KIF1B: variants seen among roughly 807,000 people sequenced by gnomAD.
The protein encoded by KIF1B is kinesin family member 1B, also known as kinesin-like protein KIF1B.
A neutral mutation model predicts 241.9 loss-of-function variants in KIF1B; 76 were observed. That is an observed-to-expected ratio of 0.31 (90% CI 0.26 to 0.38). The LOEUF (loss-of-function observed/expected upper bound fraction) is 0.38, where lower values mean the gene tolerates loss of function less well. KIF1B is among the 10% of genes least tolerant of loss of function. The probability of loss-of-function intolerance (pLI) is 1.00; values close to 1 mark genes in which losing one functional copy is unlikely to be tolerated. For synonymous variants in KIF1B, 750 were observed against 796.7 expected (o/e 0.94, Z 0.99); for missense variants, 1,622 against 2,271.4 (o/e 0.71, Z 5.81).
chr1:10,326,608 C>T lies in KIF1B; in HGVS notation c.2924+249C>T, dbSNP rs1651733239. 6.6e-6 allele frequency among the ~76,000 whole-genome samples: 1 copy of T among 152,174 alleles called. No individual in the cohort carries two copies. Among genetic ancestry groups the T allele is most frequent in the South Asian group, 2.1e-4 (1 of 4,828 alleles). ...ATATATGAAGACTGCATGGAAGACA[C>T]CTTGTCTTAAATTGCCCAGTAATTT... On this transcript the variant is annotated intron_variant, in intron 27 of 48. Transcript: ENST00000676179. This position sits in a 1 kb window ranked among gnomAD's most constrained non-coding sequence, Gnocchi z 5.2.
chr1:10,317,866 AT>A (rs1651366976), intron 22 of KIF1B, among the ~76,000 whole-genome samples: 1 of 150,950 alleles, frequency 6.6e-6, no homozygotes, highest in African/African-American at 2.5e-5. Flanking sequence ...TTGATATTGT[AT>A]TACCATGTAA....
chr1:10,274,387 T>G (rs1316255582), intron 10 of KIF1B, among the ~76,000 whole-genome samples: 2 of 152,228 alleles, frequency 1.3e-5, no homozygotes, highest in African/African-American at 4.8e-5. Context: ...TTGGTGCTTT[T>G]TGCTTTGTCC....
At chr1:10,297,794 C>CA (rs1650343806) in intron 22 of KIF1B, among the ~76,000 whole-genome samples, 1 of 151,960 alleles carries the variant, frequency 6.6e-6, no homozygotes, top group Non-Finnish European at 1.5e-5. Flanking sequence ...TCTGAATTCT[C>CA]AATCAGGTTC....
chr1:10,297,261 TCTGCTAA>T lies in KIF1B; in HGVS notation c.2115+16_2115+22del. On this transcript the variant is annotated intron_variant, in intron 22 of 48. Coordinates refer to ENST00000676179, the MANE Select transcript of KIF1B (RefSeq NM_001365951.3). ...AGCAGAGACTGGTAGGAGTCCTGAA[TCTGCTAA>T]ACTGTTGGGAAAAGGGCAGCTTGTT... is the stretch of plus-strand genomic sequence containing the variant. 1 of 1,609,210 alleles carries T rather than the reference TCTGCTAA, an allele frequency of 6.2e-7. No homozygotes were observed. The highest frequency in any genetic ancestry group is 8.5e-7 in the Non-Finnish European group (1 of 1,176,752).
intron 22 of KIF1B, among the ~76,000 whole-genome samples, chr1:10,300,828 A>G (rs1650505443): frequency 1.3e-5 from 2 of 152,240 alleles, no homozygotes; most frequent in South Asian, 4.1e-4. Context: ...ACTAAAAATG[A>G]AAAGAAAAAT....
At chr1:10,259,473 C>T (rs1647990097) in intron 4 of KIF1B, among the ~76,000 whole-genome samples, 1 of 149,624 alleles carries the variant, frequency 6.7e-6, no homozygotes, top group Non-Finnish European at 1.5e-5. Flanking sequence ...TGCCACCACA[C>T]CTAGCTCATT....
intron 28 of KIF1B, among the ~76,000 whole-genome samples, chr1:10,335,165 C>T (rs538281074): frequency 4.8e-4 from 73 of 152,248 alleles, no homozygotes; most frequent in African/African-American, 1.7e-3. Context: ...TAGTCTCGAT[C>T]GAACTCCTGA....
intron 27 of KIF1B, among the ~76,000 whole-genome samples, chr1:10,328,174 G>A (rs915257650): frequency 1.3e-5 from 2 of 152,098 alleles, no homozygotes; most frequent in Non-Finnish European, 2.9e-5. Context: ...TGGGGACAGA[G>A]CAAGACCCCA....
intron 44 of KIF1B, among the ~76,000 whole-genome samples, chr1:10,369,868 G>T (rs1638679302): frequency 1.3e-5 from 2 of 151,834 alleles, no homozygotes; most frequent in Non-Finnish European, 2.9e-5. Flanking sequence ...GGAGGTGGAG[G>T]TTGCAGTGAG....
At chr1:10,233,368 C>G (rs181894826) in intron 2 of KIF1B, among the ~76,000 whole-genome samples, 2 of 152,178 alleles carry the variant, frequency 1.3e-5, no homozygotes, top group African/African-American at 4.8e-5. Context: ...GTAATCCCAG[C>G]ACTTTGGGAG....
rs939612541 is a variant in KIF1B, at chr1:10,264,993, A to G, written c.430-2387A>G. 2.0e-5 allele frequency among the ~76,000 whole-genome samples: 3 copies of G among 151,184 alleles called. No homozygotes were observed. In the East Asian group the frequency reaches 5.8e-4, roughly 29 times the overall value. ...CTTTTTCTTCTTTTTTTTTAAGACA[A>G]GGTCTTGCTCTGTTACCCAGACTGG... On this transcript the variant is annotated intron_variant, in intron 5 of 48. Coordinates refer to ENST00000676179, the MANE Select transcript of KIF1B (RefSeq NM_001365951.3).
At chr1:10,268,091 G>C (rs987411475) in intron 6 of KIF1B, 61 bp from the exon 7 acceptor site, 7 of 1,029,862 alleles carry the variant, frequency 6.8e-6, no homozygotes, top group Non-Finnish European at 9.1e-6. Context: ...GGAGCCTGCT[G>C]TCCATTTCAA....
chr1:10,267,929 G>C (rs759202483), intron 6 of KIF1B, among the ~76,000 whole-genome samples: 1 of 152,216 alleles, frequency 6.6e-6, no homozygotes, highest in Non-Finnish European at 1.5e-5. Context: ...GCTGGAGTAT[G>C]AAAAATGATT....
At position 10,337,606 on chromosome 1, in the gene KIF1B, CTTT is replaced by C; in HGVS notation, c.3422+74_3422+76del. 2 of 1,518,904 alleles carry C rather than the reference CTTT, an allele frequency of 1.3e-6. No individual in the cohort carries two copies. Among genetic ancestry groups the C allele is most frequent in the East Asian group, 2.3e-5 (1 of 44,420 alleles). 94.1% of individuals were successfully genotyped at this position (1,518,904 alleles called of 1,614,324 possible). On this transcript the variant is annotated intron_variant, in intron 31 of 48. Coordinates refer to ENST00000676179, the MANE Select transcript of KIF1B (RefSeq NM_001365951.3). The surrounding 1 kb of genome is among the most constrained non-coding windows in gnomAD (Gnocchi z 4.0). ...GACATCTCTTGTGCACTGTAGAGTGCTTTACATGTGTGAGGGATTAACACTCTT... is the reference window on the plus strand; with the variant it reads ...GACATCTCTTGTGCACTGTAGAGTGCACATGTGTGAGGGATTAACACTCTT...
intron 13 of KIF1B, 140 bp from the exon 14 acceptor site, chr1:10,278,957 C>A (rs1049373395): frequency 9.5e-6 from 5 of 528,630 alleles, no homozygotes; most frequent in Non-Finnish European, 1.7e-5. Context: ...AGATGAATAC[C>A]GTTTGTAAAA....
chr1:10,348,750 A>G lies in KIF1B; in HGVS notation c.3949+17A>G. 6.3e-7 allele frequency: 1 copy of G among 1,595,960 alleles called. No homozygotes were observed. The highest frequency in any genetic ancestry group is 1.3e-5 in the African/African-American group (1 of 74,564). On this transcript the variant is annotated intron_variant, in intron 37 of 48. Coordinates refer to ENST00000676179, the MANE Select transcript of KIF1B (RefSeq NM_001365951.3). ...TGGTGGTAGGTGAGTACGTTTCATCAGCCAAGGATAGAACCAGGACTTACA... is the reference window on the plus strand; with the variant it reads ...TGGTGGTAGGTGAGTACGTTTCATCGGCCAAGGATAGAACCAGGACTTACA...
At chr1:10,270,347 G>GT (rs58523950) in intron 7 of KIF1B, among the ~76,000 whole-genome samples, 7 of 152,092 alleles carry the variant, frequency 4.6e-5, no homozygotes, top group Non-Finnish European at 1.0e-4. Flanking sequence ...AGTATGTACT[G>GT]TTTTTTGTCT....
At chr1:10,245,269 G>A (rs1647194064) in intron 2 of KIF1B, among the ~76,000 whole-genome samples, 1 of 152,190 alleles carries the variant, frequency 6.6e-6, no homozygotes, top group Non-Finnish European at 1.5e-5. Context: ...GGGAGAAAAG[G>A]GGGTAAAATT....
At chr1:10,267,853 A>G (rs1055907806) in intron 6 of KIF1B, among the ~76,000 whole-genome samples, 1 of 152,182 alleles carries the variant, frequency 6.6e-6, no homozygotes, top group South Asian at 2.1e-4. Context: ...GTAGTAATTG[A>G]TTCTGGAATA....
Sources: gnomAD v4.1 joint callset for allele counts (sites outside exome capture counted in the v4.1 genomes callset) on GRCh38, gnomAD v4.1.1 for gene constraint, Gnocchi (gnomAD v3.1) non-coding constraint, MANE v1.5 for transcripts, NCBI Gene and HGNC (gene_info 2026-07-23, HGNC 2026-07-21) for gene names.